The following GALNT10 variants were observed in gnomAD, a reference collection of about 807,000 sequenced individuals.
GALNT10 encodes the protein polypeptide N-acetylgalactosaminyltransferase 10.
A neutral mutation model predicts 75.0 loss-of-function variants in GALNT10; 41 were observed. The observed-to-expected ratio is 0.55, with a 90% CI of 0.43 to 0.71. The LOEUF is 0.71. GALNT10 is among the 30% of genes least tolerant of loss of function. GALNT10 has a pLI of 0.00. For missense variants in GALNT10, 727 were observed against 818.5 expected (o/e 0.89, Z 1.36); for synonymous variants, 302 against 313.0 (o/e 0.96, Z 0.37).
intron 4 of GALNT10, among the ~76,000 whole-genome samples, chr5:154,359,536 T>TAA (rs5872375): frequency 0.048 from 6,541 of 136,854 alleles, 262 homozygotes; most frequent in African/African-American, 0.1. Context: ...TTTCTTTCTT[T>TAA]AAAAAAAAAA....
chr5:154,204,364 C>T (rs1231534636), intron 1 of GALNT10, among the ~76,000 whole-genome samples: 4 of 152,242 alleles, frequency 2.6e-5, no homozygotes, highest in African/African-American at 9.6e-5. Flanking sequence ...CCACAGCCTC[C>T]TGGCTCCTCT....
Position 154,412,709 on chromosome 5 carries a change from G to A in GALNT10, c.1387-180G>A, listed in dbSNP as rs1582020872. ...CTTTAAGGATTACATTCTGTGGACTGAGTCTTCCTTCATTGAGAGGCTCAA... is the reference window on the plus strand; with the variant it reads ...CTTTAAGGATTACATTCTGTGGACTAAGTCTTCCTTCATTGAGAGGCTCAA... On this transcript the variant is annotated intron_variant, in intron 9 of 11. Coordinates refer to ENST00000297107, the MANE Select transcript of GALNT10 (RefSeq NM_198321.4). This position sits in a 1 kb window ranked among gnomAD's most constrained non-coding sequence, Gnocchi z 4.2. 10 of 624,534 alleles carry A rather than the reference G, an allele frequency of 1.6e-5. No homozygotes were observed. The highest frequency in any genetic ancestry group is 2.0e-5 in the Non-Finnish European group (7 of 344,772). 38.7% of individuals were successfully genotyped at this position (624,534 alleles called of 1,614,324 possible). A position where few individuals can be genotyped will look rare whatever the true frequency, so the allele number is the denominator to read the frequency against.
At chr5:154,360,450 T>TAAAAA (rs11308900) in intron 4 of GALNT10, among the ~76,000 whole-genome samples, 1 of 133,722 alleles carries the variant, frequency 7.5e-6, no homozygotes, top group Non-Finnish European at 1.6e-5. Context: ...AAACTCCATC[T>TAAAAA]AAAAAAAAAA....
chr5:154,207,501 G>T (rs932478813), intron 1 of GALNT10, among the ~76,000 whole-genome samples: 1 of 152,202 alleles, frequency 6.6e-6, no homozygotes, highest in Admixed American at 6.5e-5. Flanking sequence ...AACAGGTCAA[G>T]TCAGAGTACA....
At chr5:154,357,594 T>C (rs1391614427) in intron 4 of GALNT10, among the ~76,000 whole-genome samples, 1 of 152,186 alleles carries the variant, frequency 6.6e-6, no homozygotes, top group Non-Finnish European at 1.5e-5. Flanking sequence ...CAAAATAATT[T>C]TTTAAAATCT....
chr5:154,284,342 T>C (rs763939), intron 1 of GALNT10, among the ~76,000 whole-genome samples: 13,225 of 152,284 alleles, frequency 0.087, 1,133 homozygotes, highest in African/African-American at 0.22. Context: ...TTCACTTTGG[T>C]CTGCTGTCTT....
chr5:154,198,970 A>T (rs1441389743), intron 1 of GALNT10, among the ~76,000 whole-genome samples: 1 of 152,320 alleles, frequency 6.6e-6, no homozygotes, highest in African/African-American at 2.4e-5. Flanking sequence ...CAATGCTGTA[A>T]TTGTTTTTAA....
At chr5:154,201,220 A>C (rs1775023860) in intron 1 of GALNT10, among the ~76,000 whole-genome samples, 1 of 151,910 alleles carries the variant, frequency 6.6e-6, no homozygotes, top group Non-Finnish European at 1.5e-5. Context: ...TGATATGCAA[A>C]TTCCCATAGG....
chr5:154,206,566 T>A (rs1163829452), intron 1 of GALNT10, among the ~76,000 whole-genome samples: 4 of 152,228 alleles, frequency 2.6e-5, no homozygotes, highest in African/African-American at 9.6e-5. Flanking sequence ...ACCCTAGTTG[T>A]AATCAGGAAG....
At chr5:154,240,722 T>C (rs913524750) in intron 1 of GALNT10, among the ~76,000 whole-genome samples, 1 of 152,202 alleles carries the variant, frequency 6.6e-6, no homozygotes, top group Non-Finnish European at 1.5e-5. Context: ...TCTTGAGCGT[T>C]GATAAGAGTC....
chr5:154,329,945 A>T (rs904779750), intron 4 of GALNT10: 3 of 231,846 alleles, frequency 1.3e-5, no homozygotes, highest in Non-Finnish European at 2.5e-5. Flanking sequence ...ATATCTGTTT[A>T]GAAATGTATT....
chr5:154,408,061 T>C (rs747564020), intron 8 of GALNT10, among the ~76,000 whole-genome samples: 2 of 152,216 alleles, frequency 1.3e-5, no homozygotes, highest in Non-Finnish European at 2.9e-5. Flanking sequence ...GAAGAATATT[T>C]TGTGATACAT....
At chr5:154,320,192 A>C (rs548344252) in intron 3 of GALNT10, among the ~76,000 whole-genome samples, 1 of 152,230 alleles carries the variant, frequency 6.6e-6, no homozygotes, top group South Asian at 2.1e-4. Flanking sequence ...AAGAGAGATC[A>C]AAAAAAATTT....
chr5:154,367,356 A>T (rs1755491839), intron 4 of GALNT10, among the ~76,000 whole-genome samples: 1 of 152,102 alleles, frequency 6.6e-6, no homozygotes, highest in Non-Finnish European at 1.5e-5. Flanking sequence ...TGTGAGCCCT[A>T]TTGGGATATG....
intron 1 of GALNT10, among the ~76,000 whole-genome samples, chr5:154,241,093 G>A (rs1462753652): frequency 1.3e-5 from 2 of 152,164 alleles, no homozygotes; most frequent in African/African-American, 4.8e-5. Context: ...CTGATAGATG[G>A]TCTATTTCAG....
intron 1 of GALNT10, among the ~76,000 whole-genome samples, chr5:154,233,334 G>A (rs923616557): frequency 9.2e-5 from 14 of 152,068 alleles, no homozygotes; most frequent in African/African-American, 2.4e-4. Context: ...CTTTGAGTGC[G>A]GCAGAAATGG....
At chr5:154,400,831 G>A (rs1756146089) in intron 7 of GALNT10, among the ~76,000 whole-genome samples, 1 of 152,134 alleles carries the variant, frequency 6.6e-6, no homozygotes, top group African/African-American at 2.4e-5. Flanking sequence ...AATGAGGTGA[G>A]GGTGGAGGGC....
At chr5:154,260,611 A>T (rs1258961533) in intron 1 of GALNT10, among the ~76,000 whole-genome samples, 1 of 152,196 alleles carries the variant, frequency 6.6e-6, no homozygotes, top group Non-Finnish European at 1.5e-5. Flanking sequence ...CAAATCAGAA[A>T]ATATTCAAAA....
At chr5:154,342,505 A>G (rs1307073249) in intron 4 of GALNT10, among the ~76,000 whole-genome samples, 1 of 152,248 alleles carries the variant, frequency 6.6e-6, no homozygotes, top group Non-Finnish European at 1.5e-5. Flanking sequence ...AGGAATCTAC[A>G]TTCTTAACAG....
Sources: allele counts gnomAD v4.1 joint callset (sites outside exome capture counted in the v4.1 genomes callset), GRCh38; gene constraint gnomAD v4.1.1; non-coding constraint Gnocchi (gnomAD v3.1); transcripts MANE v1.5; gene names NCBI Gene and HGNC (gene_info 2026-07-23, HGNC 2026-07-21).